MED13L: variants seen among roughly 807,000 people sequenced by gnomAD.
MED13L encodes the protein mediator complex subunit 13L, also known as mediator of RNA polymerase II transcription subunit 13-like.
In MED13L, 7 loss-of-function variants were observed where a neutral mutation model predicts 220.9. The ratio of observed to expected loss-of-function variants is 0.03; its 90% CI spans 0.02 to 0.06. The LOEUF is 0.06. Ranked by LOEUF, MED13L falls within the 10% of genes least tolerant of loss-of-function variation. The pLI, the probability that MED13L is intolerant of heterozygous loss-of-function variation, is 1.00. For missense variants in MED13L, 1,965 were observed against 2,760.5 expected (o/e 0.71, Z 6.46); for synonymous variants, 1,011 against 1,015.2 (o/e 1.00, Z 0.08).
In MED13L at chr12:115,995,515, G is replaced by A. The variant is rs150785470; in HGVS notation, c.2996+961C>T. On this transcript the variant is annotated intron_variant, in intron 16 of 30. Coordinates refer to ENST00000281928, the MANE Select transcript of MED13L (RefSeq NM_015335.5). ...CTTGGCTCACTGCAACCTCCGCCTC[G>A]TGAGTTCAAGTGATTCTCCTGCCTC... Among the ~76,000 whole-genome samples, 13 of 152,012 alleles carry A rather than the reference G, an allele frequency of 8.6e-5. No homozygotes were observed. In the East Asian group the frequency reaches 1.5e-3, roughly 18 times the overall value.
rs1397464926 is a variant in MED13L, at chr12:115,975,518, T to C, written c.5585A>G (p.Asn1862Ser). ...ETCVVNIALP[N>S]RSRRSKVSAR... The stretch of plus-strand genomic sequence containing the variant: ...CATAAACATCAAGTCTTCTCACCTG[T>C]TTGGTAAAGCAATATTTACAACGCA... The change falls in exon 24 of 31, where the codon AAC (asparagine) becomes AGC (serine). Residue 1862 changes from asparagine to serine, a missense_variant. Asn to Ser is a conservative substitution (Grantham distance 46, BLOSUM62 1). Around this residue, in one of 10 missense-constraint regions of MED13L, gnomAD observed 510 missense variants for 620.4 expected, o/e 0.82. Transcript: ENST00000281928. The C allele has an allele frequency of 6.2e-7, 1 of 1,613,466 alleles. No individual in the cohort carries two copies. The highest frequency in any genetic ancestry group is 1.1e-5 in the South Asian group (1 of 91,070).
chr12:116,159,132 AT>A (rs1248032932), intron 2 of MED13L, among the ~76,000 whole-genome samples: 1 of 152,224 alleles, frequency 6.6e-6, no homozygotes, highest in Admixed American at 6.5e-5. Flanking sequence ...CAAAGGCAAC[AT>A]TAAGAGTTAA....
chr12:116,238,808 T>C (rs1870337802), intron 1 of MED13L, among the ~76,000 whole-genome samples: 1 of 152,210 alleles, frequency 6.6e-6, no homozygotes, highest in South Asian at 2.1e-4. Flanking sequence ...AAAAAGGTTT[T>C]GCTTCAGGCT....
At chr12:116,021,260 T>C (rs1880045129) in intron 5 of MED13L, among the ~76,000 whole-genome samples, 1 of 152,182 alleles carries the variant, frequency 6.6e-6, no homozygotes, top group Admixed American at 6.5e-5. Context: ...CTAATATTAT[T>C]GTTCCCAACA....
intron 4 of MED13L, among the ~76,000 whole-genome samples, chr12:116,044,974 T>C (rs1222363304): frequency 6.6e-6 from 1 of 152,180 alleles, no homozygotes; most frequent in African/African-American, 2.4e-5. Context: ...TGTCAAATGG[T>C]ATGCAAACTG....
At chr12:116,082,293 G>A (rs1178837702) in intron 4 of MED13L, among the ~76,000 whole-genome samples, 1 of 152,248 alleles carries the variant, frequency 6.6e-6, no homozygotes, top group Non-Finnish European at 1.5e-5. Context: ...ACTTTTGGGG[G>A]TATACTTATG....
intron 4 of MED13L, among the ~76,000 whole-genome samples, chr12:116,076,850 C>A (rs1004728475): frequency 6.6e-6 from 1 of 152,200 alleles, no homozygotes; most frequent in Admixed American, 6.5e-5. Flanking sequence ...AAGCAATTCA[C>A]CATCTTTTAT....
intron 11 of MED13L, 66 bp downstream of exon 11, chr12:116,007,345 A>G: frequency 2.1e-6 from 3 of 1,454,748 alleles, no homozygotes; most frequent in Admixed American, 3.4e-5. Flanking sequence ...AAGTCTTCCC[A>G]CACATGTTGT....
intron 3 of MED13L, among the ~76,000 whole-genome samples, chr12:116,108,471 A>G (rs915214692): frequency 2.0e-5 from 3 of 151,892 alleles, no homozygotes; most frequent in Non-Finnish European, 4.4e-5. Context: ...GCAAGCATAT[A>G]TTAGCCCTTC....
intron 2 of MED13L, among the ~76,000 whole-genome samples, chr12:116,161,424 C>CT (rs1337190188): frequency 2.0e-5 from 3 of 152,078 alleles, no homozygotes; most frequent in Non-Finnish European, 2.9e-5. Flanking sequence ...CCCCCAAATT[C>CT]TTTTTACTTT....
chr12:116,082,990 A>G (rs1193405304), intron 4 of MED13L, among the ~76,000 whole-genome samples: 1 of 152,248 alleles, frequency 6.6e-6, no homozygotes, highest in African/African-American at 2.4e-5. Flanking sequence ...TAATTTTGAC[A>G]AGTTGATAGG....
chr12:116,253,408 T>A (rs1871744114), intron 1 of MED13L, among the ~76,000 whole-genome samples: 1 of 151,696 alleles, frequency 6.6e-6, no homozygotes, highest in Non-Finnish European at 1.5e-5. Context: ...CTGCACAAAC[T>A]CTTTCAGAAA....
chr12:116,267,566 C>T (rs1172663773), intron 1 of MED13L, among the ~76,000 whole-genome samples: 1 of 152,232 alleles, frequency 6.6e-6, no homozygotes, highest in Non-Finnish European at 1.5e-5. Context: ...TGCCCTCCAA[C>T]ACCAAGTTTA....
At chr12:116,113,570 G>C (rs1251510679) in intron 2 of MED13L, among the ~76,000 whole-genome samples, 1 of 150,334 alleles carries the variant, frequency 6.7e-6, no homozygotes, top group Non-Finnish European at 1.5e-5. Context: ...CGAGAGTATT[G>C]CTTGAGCCTA....
chr12:116,247,424 C>G (rs1458663868), intron 1 of MED13L, among the ~76,000 whole-genome samples: 1 of 152,090 alleles, frequency 6.6e-6, no homozygotes, highest in Non-Finnish European at 1.5e-5. Context: ...GTTAAAATAA[C>G]GTGTTGTTGT....
chr12:116,109,260 A>G (rs1300967914), intron 3 of MED13L, among the ~76,000 whole-genome samples: 1 of 151,572 alleles, frequency 6.6e-6, no homozygotes, highest in Non-Finnish European at 1.5e-5. Flanking sequence ...CTGTAGATAC[A>G]TGGTCTCACC....
At chr12:116,238,590 A>T (rs571925297) in intron 1 of MED13L, among the ~76,000 whole-genome samples, 3 of 152,352 alleles carry the variant, frequency 2.0e-5, no homozygotes, top group African/African-American at 7.2e-5. Context: ...TGGCCCTTGC[A>T]TTGAATCCTT....
At chr12:116,180,442 TA>T (rs1396444088) in intron 2 of MED13L, among the ~76,000 whole-genome samples, 1 of 152,202 alleles carries the variant, frequency 6.6e-6, no homozygotes, top group Non-Finnish European at 1.5e-5. Context: ...ATAAGGTGTA[TA>T]TGAAACATAA....
At chr12:116,119,349 G>T (rs569904384) in intron 2 of MED13L, among the ~76,000 whole-genome samples, 2 of 152,104 alleles carry the variant, frequency 1.3e-5, no homozygotes, top group Non-Finnish European at 2.9e-5. Context: ...TGCTAAAGTA[G>T]CAGAGGTACC....
Sources: gnomAD v4.1 joint callset for allele counts (sites outside exome capture counted in the v4.1 genomes callset) on GRCh38, gnomAD v4.1.1 for gene constraint, gnomAD v4.1.1 regional missense constraint, MANE v1.5 for transcripts, NCBI Gene and HGNC (gene_info 2026-07-23, HGNC 2026-07-21) for gene names.